The following CDKAL1 variants were observed in gnomAD, a reference collection of about 807,000 sequenced individuals.
CDKAL1 encodes the protein threonylcarbamoyladenosine tRNA methylthiotransferase.
In CDKAL1, 32 loss-of-function variants were observed where a neutral mutation model predicts 68.2. The ratio of observed to expected loss-of-function variants is 0.47; its 90% CI spans 0.35 to 0.63. CDKAL1 has a LOEUF of 0.63. CDKAL1 is among the 30% of genes least tolerant of loss of function. CDKAL1 has a pLI of 0.00. For synonymous variants in CDKAL1, 234 were observed against 244.3 expected (o/e 0.96, Z 0.39); for missense variants, 606 against 696.7 (o/e 0.87, Z 1.47).
intron 7 of CDKAL1, among the ~76,000 whole-genome samples, chr6:20,761,534 G>A (rs1341176432): frequency 2.0e-5 from 3 of 152,116 alleles, no homozygotes; most frequent in East Asian, 3.9e-4. Context: ...CCTTTAGTAA[G>A]TAAATAGATA....
At chr6:21,123,827 A>G (rs1301648823) in intron 13 of CDKAL1, among the ~76,000 whole-genome samples, 1 of 152,224 alleles carries the variant, frequency 6.6e-6, no homozygotes, top group South Asian at 2.1e-4. Flanking sequence ...AGGCAAACCT[A>G]TTATCTCCTT....
chr6:20,741,536 G>A (rs1773457720), intron 6 of CDKAL1, among the ~76,000 whole-genome samples: 1 of 151,994 alleles, frequency 6.6e-6, no homozygotes, highest in African/African-American at 2.4e-5. Flanking sequence ...TCATCATGTA[G>A]CTCCCACTTA....
intron 4 of CDKAL1, among the ~76,000 whole-genome samples, chr6:20,609,401 C>CTTTTT (rs1168736535): frequency 1.0e-3 from 52 of 49,778 alleles, no homozygotes; most frequent in South Asian, 4.7e-3. Context: ...TCTTCTTCTT[C>CTTTTT]TTTTTTTTTT....
intron 7 of CDKAL1, among the ~76,000 whole-genome samples, chr6:20,775,734 C>T (rs1320976365): frequency 6.6e-6 from 1 of 152,124 alleles, no homozygotes; most frequent in Non-Finnish European, 1.5e-5. Context: ...GTATTGATAA[C>T]TGCACATAAA....
chr6:20,873,242 T>G (rs1163158307), intron 9 of CDKAL1, among the ~76,000 whole-genome samples: 3 of 152,150 alleles, frequency 2.0e-5, no homozygotes, highest in Admixed American at 2.0e-4. Flanking sequence ...TTCAATAGAT[T>G]AGTTGTTCTC....
At chr6:21,059,624 A>T (rs922778968) in intron 11 of CDKAL1, among the ~76,000 whole-genome samples, 2 of 151,474 alleles carry the variant, frequency 1.3e-5, no homozygotes, top group Non-Finnish European at 2.9e-5. Context: ...GGTTGCGCCA[A>T]CCACCTAGTC....
chr6:21,064,982 G>A lies in CDKAL1; in HGVS notation c.1056-66G>A, dbSNP rs892611201. 8 of 933,680 alleles carry A rather than the reference G, an allele frequency of 8.6e-6. No individual in the cohort carries two copies. In the African/African-American group the frequency reaches 1.2e-4, roughly 14 times the overall value. The allele number at this position is 933,680 out of a possible 1,614,324, so 57.8% of individuals were successfully genotyped here. On this transcript the variant is annotated intron_variant, in intron 11 of 15. Transcript: ENST00000274695. ...ATTACCATAAAATTGTATTTAAAATGTCAGGGAAATAGAATAATTATGGCT... is the reference window on the plus strand; with the variant it reads ...ATTACCATAAAATTGTATTTAAAATATCAGGGAAATAGAATAATTATGGCT...
chr6:21,004,945 G>T (rs1767642032), intron 11 of CDKAL1, among the ~76,000 whole-genome samples: 2 of 152,118 alleles, frequency 1.3e-5, no homozygotes, highest in African/African-American at 4.8e-5. Context: ...CTGCGTGACA[G>T]AGCAAGATCC....
chr6:20,740,635 A>G (rs998085986), intron 6 of CDKAL1, among the ~76,000 whole-genome samples: 1 of 152,166 alleles, frequency 6.6e-6, no homozygotes, highest in Non-Finnish European at 1.5e-5. Flanking sequence ...GAACTTTATG[A>G]TAGATTTTTC....
intron 4 of CDKAL1, among the ~76,000 whole-genome samples, chr6:20,614,136 T>C (rs1034705517): frequency 2.0e-5 from 3 of 152,178 alleles, no homozygotes; most frequent in African/African-American, 7.2e-5. Flanking sequence ...CTTACTGATT[T>C]GTAGGTACTC....
At chr6:20,773,780 T>G (rs2150365604) in intron 7 of CDKAL1, among the ~76,000 whole-genome samples, 1 of 152,292 alleles carries the variant, frequency 6.6e-6, no homozygotes, top group African/African-American at 2.4e-5. Flanking sequence ...TCTTCTGACC[T>G]CATGATCTGC....
chr6:20,553,554 G>A (rs7756211), intron 4 of CDKAL1, among the ~76,000 whole-genome samples: 39,848 of 152,078 alleles, frequency 0.26, 5,516 homozygotes, highest in Middle Eastern at 0.36. Context: ...AACTGTCAGA[G>A]CAGTTTGCTG....
At chr6:20,639,483 G>T (rs1004664139) in intron 4 of CDKAL1, among the ~76,000 whole-genome samples, 19 of 151,802 alleles carry the variant, frequency 1.3e-4, no homozygotes, top group African/African-American at 4.6e-4. Context: ...TTTTCTGCTC[G>T]TTCTCCCAGC....
At chr6:20,538,244 C>G (rs1030044906) in intron 2 of CDKAL1, among the ~76,000 whole-genome samples, 1 of 130,878 alleles carries the variant, frequency 7.6e-6, no homozygotes, top group Non-Finnish European at 1.7e-5. Context: ...TTTTTTTTTT[C>G]TTTTCTGGGT....
chr6:20,607,712 T>G (rs951135276), intron 4 of CDKAL1, among the ~76,000 whole-genome samples: 1 of 152,184 alleles, frequency 6.6e-6, no homozygotes, highest in African/African-American at 2.4e-5. Context: ...TTTTTTTTCT[T>G]TTGAACAAGT....
chr6:20,739,581 G>T lies in CDKAL1; in HGVS notation c.434G>T (p.Arg145Leu), dbSNP rs149431105. 7.8e-5 allele frequency: 126 copies of T among 1,612,530 alleles called. No homozygotes were observed. The highest frequency in any genetic ancestry group is 1.0e-4 in the Non-Finnish European group (119 of 1,178,966). ...GGATGCGTTCCTCAAGCCCAGCCTCGCCAGGACTACCTTAAGGGACTGAGT... is the reference window on the plus strand; with the variant it reads ...GGATGCGTTCCTCAAGCCCAGCCTCTCCAGGACTACCTTAAGGGACTGAGT... Reference protein sequence around the residue: ...LAGCVPQAQPRQDYLKGLSII... With the variant: ...LAGCVPQAQPLQDYLKGLSII... The change falls in exon 6 of 16, where the codon CGC (arginine) becomes CTC (leucine). Residue 145 changes from arginine (R) to leucine (L), a missense_variant. Arg to Leu is a moderately radical substitution (Grantham distance 102). Transcript: ENST00000274695.
chr6:21,029,590 A>T (rs1049803789), intron 11 of CDKAL1, among the ~76,000 whole-genome samples: 1 of 152,206 alleles, frequency 6.6e-6, no homozygotes, highest in Non-Finnish European at 1.5e-5. Context: ...TATCTGGCAA[A>T]GGTGTAATAT....
rs117201155 is a variant in CDKAL1, at chr6:21,123,071, T to C, written c.1299+14608T>C. ...TGTAAAATATGAACTCTGGCTGATA[T>C]CAAGACTAGCTGAGATGACTTAATT... On this transcript the variant is annotated intron_variant, in intron 13 of 15. Transcript: ENST00000274695. 1.2e-4 allele frequency among the ~76,000 whole-genome samples: 19 copies of C among 152,270 alleles called. No homozygotes were observed. In the East Asian group the frequency reaches 3.5e-3, roughly 28 times the overall value.
intron 9 of CDKAL1, among the ~76,000 whole-genome samples, chr6:20,892,501 G>A (rs561916407): frequency 1.3e-5 from 2 of 152,184 alleles, no homozygotes; most frequent in South Asian, 2.1e-4. Context: ...GTGAGAGCAT[G>A]TGGCTAGGTG....
Sources: allele counts gnomAD v4.1 joint callset (sites outside exome capture counted in the v4.1 genomes callset), GRCh38; gene constraint gnomAD v4.1.1; transcripts MANE v1.5; gene names NCBI Gene and HGNC (gene_info 2026-07-23, HGNC 2026-07-21).